The following MARCHF8 variants were observed in gnomAD, a reference collection of about 807,000 sequenced individuals.
The protein encoded by MARCHF8 is membrane associated ring-CH-type finger 8.
MARCHF8 carries 40 observed loss-of-function variants against 51.6 expected under a neutral mutation model. That is an observed-to-expected ratio of 0.77 (90% CI 0.60 to 1.01). MARCHF8 has a LOEUF of 1.01. Among genes scored for constraint, MARCHF8 ranks in the 50% least tolerant of loss-of-function variants. The pLI is 0.00. For missense variants in MARCHF8, 685 were observed against 708.6 expected, an observed-to-expected ratio of 0.97 and a Z score of 0.38; for synonymous variants, 263 against 280.3, an observed-to-expected ratio of 0.94 and a Z score of 0.62.
intron 3 of MARCHF8, among the ~76,000 whole-genome samples, chr10:45,487,459 C>G (rs915639344): frequency 6.6e-6 from 1 of 152,182 alleles, no homozygotes; most frequent in African/African-American, 2.4e-5. Context: ...ACATTTAATT[C>G]AACTTAAGCA....
chr10:45,570,820 A>G (rs2044420202), intron 1 of MARCHF8, among the ~76,000 whole-genome samples: 1 of 152,218 alleles, frequency 6.6e-6, no homozygotes, highest in Non-Finnish European at 1.5e-5. Context: ...CAACAAAATG[A>G]AATTTTAAAA....
At chr10:45,567,092 T>C (rs1232305881) in intron 1 of MARCHF8, among the ~76,000 whole-genome samples, 1 of 152,250 alleles carries the variant, frequency 6.6e-6, no homozygotes, top group Non-Finnish European at 1.5e-5. Context: ...GAATGTCTAC[T>C]AGAATCTTTT....
chr10:45,503,106 G>A (rs1488731826), intron 2 of MARCHF8, among the ~76,000 whole-genome samples: 1 of 152,142 alleles, frequency 6.6e-6, no homozygotes, highest in Non-Finnish European at 1.5e-5. Flanking sequence ...TAGACTCTGA[G>A]AAGTATGTAT....
At position 45,456,491 on chromosome 10, in the gene MARCHF8, C is replaced by A; in HGVS notation, c.*1748G>T. 6.6e-6 allele frequency: 1 copy of A among 152,388 alleles called. No homozygotes were observed. Among genetic ancestry groups the A allele is most frequent in the Non-Finnish European group, 1.5e-5 (1 of 68,076 alleles). 9.4% of individuals were successfully genotyped at this position (152,388 alleles called of 1,614,324 possible). The stretch of plus-strand genomic sequence containing the variant: ...TGCTGCTATTAAGCCCACACCGTAG[C>A]TTAGAGATCCTTCAGCCTCCTGGCC... On this transcript the variant is annotated 3_prime_UTR_variant, in exon 8 of 8. Coordinates refer to ENST00000453424, the MANE Select transcript of MARCHF8 (RefSeq NM_001282866.2).
At chr10:45,495,048 A>G (rs1478498301) in intron 2 of MARCHF8, among the ~76,000 whole-genome samples, 4 of 152,010 alleles carry the variant, frequency 2.6e-5, no homozygotes, top group Non-Finnish European at 4.4e-5. Flanking sequence ...TGAACCTGAA[A>G]GGCAGAGGTT....
At chr10:45,588,754 T>A (rs2044644732) in intron 1 of MARCHF8, among the ~76,000 whole-genome samples, 1 of 152,170 alleles carries the variant, frequency 6.6e-6, no homozygotes, top group Non-Finnish European at 1.5e-5. Context: ...ATCCCAGCAC[T>A]TTGGGAGGCC....
At chr10:45,571,450 C>T (rs1027324459) in intron 1 of MARCHF8, among the ~76,000 whole-genome samples, 2 of 152,134 alleles carry the variant, frequency 1.3e-5, no homozygotes, top group African/African-American at 4.8e-5. Flanking sequence ...TAAAATGGCC[C>T]CACCCTTTCT....
chr10:45,471,492 GTGAAA>G (rs1255707814), intron 3 of MARCHF8, among the ~76,000 whole-genome samples: 1 of 152,194 alleles, frequency 6.6e-6, no homozygotes, highest in Non-Finnish European at 1.5e-5. Flanking sequence ...AAATAACACG[GTGAAA>G]GGGGCTGTGT....
chr10:45,565,927 C>T (rs561453420), intron 1 of MARCHF8, among the ~76,000 whole-genome samples: 2 of 152,180 alleles, frequency 1.3e-5, no homozygotes, highest in East Asian at 3.9e-4. Context: ...TATATTAAAC[C>T]CATGGCCAAC....
intron 1 of MARCHF8, among the ~76,000 whole-genome samples, chr10:45,588,424 A>C (rs1216426102): frequency 6.6e-6 from 1 of 152,176 alleles, no homozygotes; most frequent in African/African-American, 2.4e-5. Flanking sequence ...TAAATAAATA[A>C]ATCTCCCAAC....
intron 3 of MARCHF8, among the ~76,000 whole-genome samples, chr10:45,477,317 G>A (rs962858614): frequency 6.6e-6 from 1 of 152,174 alleles, no homozygotes; most frequent in Non-Finnish European, 1.5e-5. Flanking sequence ...CACCAGATTG[G>A]TCCTATAAGA....
intron 1 of MARCHF8, among the ~76,000 whole-genome samples, chr10:45,566,432 C>T (rs1270277431): frequency 1.3e-5 from 2 of 152,146 alleles, no homozygotes; most frequent in African/African-American, 4.8e-5. Context: ...ACTACCCTTC[C>T]TAGCCTCTGG....
At chr10:45,576,737 C>T (rs2044493433) in intron 1 of MARCHF8, among the ~76,000 whole-genome samples, 1 of 146,324 alleles carries the variant, frequency 6.8e-6, no homozygotes, top group African/African-American at 2.5e-5. Flanking sequence ...GCCTGGACAA[C>T]ACAGTGAGGC....
chr10:45,517,495 T>A (rs2133223436), intron 2 of MARCHF8, among the ~76,000 whole-genome samples: 1 of 152,276 alleles, frequency 6.6e-6, no homozygotes, highest in Non-Finnish European at 1.5e-5. Flanking sequence ...TCTGGTCATT[T>A]AAGAATGTGT....
intron 6 of MARCHF8, among the ~76,000 whole-genome samples, chr10:45,459,536 A>G (rs1405690803): frequency 2.0e-5 from 3 of 152,240 alleles, no homozygotes; most frequent in Non-Finnish European, 4.4e-5. Context: ...TCTTGCAAGC[A>G]GACATAAGAT....
intron 3 of MARCHF8, among the ~76,000 whole-genome samples, chr10:45,478,882 C>T (rs759208909): frequency 4.0e-5 from 6 of 151,472 alleles, no homozygotes; most frequent in South Asian, 2.1e-4. Context: ...CTCCTAACAA[C>T]GAAAGGTCCA....
intron 1 of MARCHF8, among the ~76,000 whole-genome samples, chr10:45,570,756 T>C (rs1402761976): frequency 6.6e-6 from 1 of 152,212 alleles, no homozygotes; most frequent in Non-Finnish European, 1.5e-5. Context: ...TTAAGTAAGT[T>C]TGGCAAAGTT....
intron 1 of MARCHF8, among the ~76,000 whole-genome samples, chr10:45,542,345 CAAAAAAAAAAAA>C (rs60776762): frequency 1.0e-4 from 5 of 48,990 alleles, no homozygotes; most frequent in South Asian, 8.2e-4. Flanking sequence ...GACTTCGTCT[CAAAAAAAAAAAA>C]AAAAAAAAAA....
chr10:45,557,655 T>C (rs1157864916), intron 1 of MARCHF8, among the ~76,000 whole-genome samples: 1 of 152,216 alleles, frequency 6.6e-6, no homozygotes, highest in East Asian at 1.9e-4. Flanking sequence ...GAAATGAAGA[T>C]AGGGCTGGAA....
Sources: allele counts gnomAD v4.1 joint callset (sites outside exome capture counted in the v4.1 genomes callset), GRCh38; gene constraint gnomAD v4.1.1; transcripts MANE v1.5; gene names NCBI Gene and HGNC (gene_info 2026-07-23, HGNC 2026-07-21).